Variants in GTF3A observed in about 807,000 individuals in gnomAD.
GTF3A encodes transcription factor IIIA.
A neutral mutation model predicts 37.6 loss-of-function variants in GTF3A; 40 were observed. The ratio of observed to expected loss-of-function variants is 1.06; its 90% CI spans 0.83 to 1.38. The LOEUF (loss-of-function observed/expected upper bound fraction) is 1.38. GTF3A is among the 40% of genes most tolerant of loss of function. GTF3A has a pLI of 0.00. For synonymous variants in GTF3A, 191 were observed against 166.7 expected, an observed-to-expected ratio of 1.15 and a Z score of -1.12; for missense variants, 500 against 462.6, an observed-to-expected ratio of 1.08 and a Z score of -0.74.
intron 7 of GTF3A, 28 bp downstream of exon 7, chr13:27,435,062 C>T: frequency 6.5e-7 from 1 of 1,536,468 alleles, no homozygotes; most frequent in Non-Finnish European, 9.0e-7. Flanking sequence ...TACTCATGGT[C>T]CTATAGTCTA....
At chr13:27,432,667 T>C (rs375721292) in intron 4 of GTF3A, 64 bp from the exon 5 acceptor site, 81 of 1,342,952 alleles carry the variant, frequency 6.0e-5, no homozygotes, top group South Asian at 3.9e-4. Flanking sequence ...CAAAGTGCCA[T>C]TGACCTTGAG....
chr13:27,427,362 G>C (rs1402499883), intron 2 of GTF3A, among the ~76,000 whole-genome samples, 170 bp downstream of exon 2: 1 of 152,010 alleles, frequency 6.6e-6, no homozygotes, highest in African/African-American at 2.4e-5. Context: ...CAGATCACTT[G>C]AACCCAGGAG....
chr13:27,425,274 C>T, intron 1 of GTF3A: 1 of 289,384 alleles, frequency 3.5e-6, no homozygotes. Context: ...GGAGCTGGTA[C>T]AGAAGATGGG....
intron 3 of GTF3A, 96 bp from the exon 4 acceptor site, chr13:27,430,437 C>A: frequency 1.4e-6 from 1 of 698,542 alleles, no homozygotes. Flanking sequence ...AAATTTTATA[C>A]AGTCTCCAAA....
chr13:27,424,957 C>T lies in GTF3A; in HGVS notation c.201+19C>T. ...GGGGGAGGTGAGGGGGGCGAGGCTG[C>T]CAACCCTGGGCCTAGGGATGGCGCG... On this transcript the variant is annotated intron_variant, in intron 1 of 8. Transcript: ENST00000381140. 2 of 1,530,732 alleles carry T rather than the reference C, an allele frequency of 1.3e-6. No homozygotes were observed. Among genetic ancestry groups the T allele is most frequent in the Non-Finnish European group, 8.8e-7 (1 of 1,134,614 alleles). 94.8% of individuals were successfully genotyped at this position (1,530,732 alleles called of 1,614,324 possible).
intron 3 of GTF3A, 62 bp downstream of exon 3, chr13:27,430,028 T>G: frequency 1.1e-6 from 1 of 889,772 alleles, no homozygotes; most frequent in Non-Finnish European, 1.7e-6. Context: ...CCTATGTTTC[T>G]GACATTTTCA....
Position 27,435,049 on chromosome 13 carries a change from T to C in GTF3A, c.873+15T>C. The C allele has an allele frequency of 6.5e-7, 1 of 1,543,378 alleles. No individual in the cohort carries two copies. The highest frequency in any genetic ancestry group is 9.0e-7 in the Non-Finnish European group (1 of 1,115,516). ...TTGCAATGAAAGTAAGCACTCACCC[T>C]CATACTCATGGTCCTATAGTCTATG... On this transcript the variant is annotated intron_variant, in intron 7 of 8. Transcript: ENST00000381140.
chr13:27,433,369 T>C (rs1953675279), intron 5 of GTF3A, among the ~76,000 whole-genome samples: 1 of 151,708 alleles, frequency 6.6e-6, no homozygotes, highest in Non-Finnish European at 1.5e-5. Flanking sequence ...GGCAGCCTCA[T>C]TGTTTTTAGT....
At chr13:27,434,727 CT>C (rs779588330) in intron 6 of GTF3A, 77 bp from the exon 7 acceptor site, 34 of 731,408 alleles carry the variant, frequency 4.6e-5, no homozygotes, top group Non-Finnish European at 7.2e-5. Flanking sequence ...CTGAATGTTA[CT>C]TATATATTAG....
Position 27,435,422 on chromosome 13 carries a change from T to C in GTF3A, c.934-11T>C. The C allele has an allele frequency of 6.2e-7, 1 of 1,609,556 alleles. No homozygotes were observed. The highest frequency in any genetic ancestry group is 8.5e-7 in the Non-Finnish European group (1 of 1,177,500). ...TTGAATTCTAATCGTGTGTCTTCCT[T>C]ATTCCCAAAGGTCAAAAAATCTCGT... is the stretch of plus-strand genomic sequence containing the variant. On this transcript the variant is annotated splice_polypyrimidine_tract_variant and intron_variant, in intron 8 of 8. Coordinates refer to ENST00000381140, the MANE Select transcript of GTF3A (RefSeq NM_002097.3).
Position 27,424,916 on chromosome 13 carries a change from A to T in GTF3A, c.179A>T (p.His60Leu), listed in dbSNP as rs2138019662. Residue 60 changes from histidine to leucine, a missense_variant, in exon 1 of 9, where the codon CAC becomes CTC. Coordinates refer to ENST00000381140, the MANE Select transcript of GTF3A (RefSeq NM_002097.3). ...AGCAAAGCCTGGAAGCTTGACGCGC[A>T]CCTGTGCAAGCACACGGGGGAGGTG... 3 of 1,548,314 alleles carry T rather than the reference A, an allele frequency of 1.9e-6. No individual in the cohort carries two copies. Among genetic ancestry groups the T allele is most frequent in the East Asian group, 2.5e-5 (1 of 40,596 alleles).
chr13:27,425,076 T>A lies in GTF3A; in HGVS notation c.201+138T>A, dbSNP rs542234689. ...GACATCCAGGACTTGGGGAAGGAGC[T>A]GAGGAAGTAGACAGGAAGTTGTAGG... is the stretch of plus-strand genomic sequence containing the variant. On this transcript the variant is annotated intron_variant, in intron 1 of 8. Transcript: ENST00000381140. 4.2e-5 allele frequency: 25 copies of A among 593,928 alleles called. No homozygotes were observed. The African/African-American group carries it at 4.5e-4, about 11-fold the overall frequency. The allele number at this position is 593,928 out of a possible 1,614,324, so 36.8% of individuals were successfully genotyped here.
rs776274175 is a variant in GTF3A at position 27,434,828 on chromosome 13, C to T, written c.667C>T (p.Arg223Trp). 4.3e-6 allele frequency: 7 copies of T among 1,610,312 alleles called. No homozygotes were observed. The highest frequency in any genetic ancestry group is 4.5e-5 in the East Asian group (2 of 44,852). The change falls in exon 7 of 9, where the codon CGG (arginine) becomes TGG (tryptophan). Residue 223 changes from arginine to tryptophan, a missense_variant. Transcript: ENST00000381140. ...AGAGGAAATACTATGTGAAGTATGC[C>T]GGAAAACATTTAAACGCAAAGATTA...
chr13:27,432,966 GTC>G (rs1161960838), intron 5 of GTF3A, among the ~76,000 whole-genome samples, 162 bp downstream of exon 5: 1 of 152,174 alleles, frequency 6.6e-6, no homozygotes. Flanking sequence ...CACTGTATAT[GTC>G]TGTTTTTCCA....
rs571970816 is a variant in GTF3A at position 27,433,299 on chromosome 13, TCCCAGGTCCTAGAA to T, written c.562+496_562+509del. 5.0e-3 allele frequency among the ~76,000 whole-genome samples: 739 copies of T among 147,954 alleles called. 2 individuals are homozygous for T. The highest frequency in any genetic ancestry group is 0.021 in the Middle Eastern group (6 of 288). On this transcript the variant is annotated intron_variant, in intron 5 of 8. Transcript: ENST00000381140. The stretch of plus-strand genomic sequence containing the variant: ...ATTTTTGCTAATCTGTATTTCAATT[TCCCAGGTCCTAGAA>T]TTTATGATTTTTTTTTTTTTAAGAG...
At chr13:27,434,666 G>A in intron 6 of GTF3A, 139 bp from the exon 7 acceptor site, 1 of 594,242 alleles carries the variant, frequency 1.7e-6, no homozygotes, top group Non-Finnish European at 3.0e-6. Flanking sequence ...AAAAACTGGG[G>A]TTGTTTCCTT....
chr13:27,435,570 G>A lies in GTF3A; in HGVS notation c.1071G>A (p.Ser357=), dbSNP rs778574013. ...ACTGTGTGGAAGACAAGATGCTCTC[G>A]ACAGTTGCAGTACTTACCCTTGGCT... The change falls in exon 9 of 9, where the codon TCG becomes TCA. Residue 357 remains serine (S), a synonymous_variant. Coordinates refer to ENST00000381140, the MANE Select transcript of GTF3A (RefSeq NM_002097.3). 2.4e-5 allele frequency: 39 copies of A among 1,613,428 alleles called. No homozygotes were observed. The South Asian group carries it at 2.6e-4, about 11-fold the overall frequency.
rs1460939535 is a variant in GTF3A, at chr13:27,435,196, A to G, written c.933+4A>G. ...CAAGAAGAAAATGAAGCTCAAAGTA[A>G]GTTGAAACTACTTAGGCAAGCTTAG... On this transcript the variant is annotated splice_donor_region_variant and intron_variant, in intron 8 of 8. Coordinates refer to ENST00000381140, the MANE Select transcript of GTF3A (RefSeq NM_002097.3). The G allele has an allele frequency of 2.5e-6, 4 of 1,593,142 alleles. No individual in the cohort carries two copies. The highest frequency in any genetic ancestry group is 8.5e-7 in the Non-Finnish European group (1 of 1,172,422).
intron 4 of GTF3A, among the ~76,000 whole-genome samples, chr13:27,432,209 G>A (rs952376363): frequency 2.0e-5 from 3 of 152,210 alleles, no homozygotes; most frequent in Non-Finnish European, 2.9e-5. Context: ...CTGTGCCTTG[G>A]AGTTGCTGCA....
Sources: gnomAD v4.1 joint callset for allele counts (sites outside exome capture counted in the v4.1 genomes callset) on GRCh38, gnomAD v4.1.1 for gene constraint, MANE v1.5 for transcripts, NCBI Gene and HGNC (gene_info 2026-07-23, HGNC 2026-07-21) for gene names.